The following MUC5AC variants were observed in gnomAD, a reference collection of about 807,000 sequenced individuals.
MUC5AC encodes the protein mucin-5AC.
Under a neutral mutation model 169.7 loss-of-function variants are expected in MUC5AC, and 158 were observed. The ratio of observed to expected loss-of-function variants is 0.93; its 90% confidence interval spans 0.82 to 1.06. MUC5AC has a LOEUF of 1.06. MUC5AC is among the 50% of genes least tolerant of loss of function. MUC5AC has a pLI of 0.00. For synonymous variants in MUC5AC, 1,975 were observed against 1,237.0 expected (o/e 1.60, Z -12.52); for missense variants, 4,359 against 3,089.9 (o/e 1.41, Z -9.74).
chr11:1,192,412 T>G lies in MUC5AC; in HGVS notation c.14267T>G (p.Val4756Gly). Residue 4756 changes from valine to glycine, a missense_variant, in exon 31 of 49, where the codon GTA (valine) becomes GGA (glycine). Coordinates refer to ENST00000621226, the MANE Select transcript of MUC5AC (RefSeq NM_001304359.2). ...ALYPSLSTSM[V>G]SASVASTSVA... is the part of the protein sequence containing the mutation. ...TATCCTTCCCTGTCTACTTCCATGGTATCCGCCTCCGTGGCATCCACCTCT... is the reference window on the plus strand; with the variant it reads ...TATCCTTCCCTGTCTACTTCCATGGGATCCGCCTCCGTGGCATCCACCTCT... 1.3e-6 allele frequency: 1 copy of G among 765,132 alleles called. No individual in the cohort carries two copies. Among genetic ancestry groups the G allele is most frequent in the Non-Finnish European group, 2.4e-6 (1 of 417,892 alleles). 47.4% of individuals were successfully genotyped at this position (765,132 alleles called of 1,614,324 possible). A position where few individuals can be genotyped will look rare whatever the true frequency, so the allele number is the denominator to read the frequency against.
chr11:1,194,142 A>G lies in MUC5AC; in HGVS notation c.14788A>G (p.Ile4930Val), dbSNP rs376649187. The G allele has an allele frequency of 7.8e-6, 6 of 764,892 alleles. No individual in the cohort carries two copies. The highest frequency in any genetic ancestry group is 5.4e-5 in the South Asian group (4 of 74,630). 47.4% of individuals were successfully genotyped at this position (764,892 alleles called of 1,614,324 possible). A position where few individuals can be genotyped will look rare whatever the true frequency, so the allele number is the denominator to read the frequency against. The part of the protein sequence containing the change: ...VCSGWGDPHY[I>V]TFDGTYYTFL... ...CAGCGGCTGGGGTGACCCCCACTAC[A>G]TCACCTTCGACGGCACCTACTACAC... Residue 4930 changes from isoleucine (I) to valine (V), a missense_variant, in exon 34 of 49, where the codon ATC becomes GTC. Transcript: ENST00000621226.
At chr11:1,162,805 T>C in intron 5 of MUC5AC, 150 bp from the exon 6 acceptor site, 1 of 956,984 alleles carries the variant, frequency 1.0e-6, no homozygotes, top group Non-Finnish European at 1.6e-6. Flanking sequence ...ACACCAATGG[T>C]GTCCCGGGGT....
rs759740961 is a variant in MUC5AC, at chr11:1,158,011, C to T, written c.12C>T (p.Gly4=). 6 of 1,601,452 alleles carry T rather than the reference C, an allele frequency of 3.7e-6. No individual in the cohort carries two copies. The highest frequency in any genetic ancestry group is 5.1e-6 in the Non-Finnish European group (6 of 1,175,308). The change falls in exon 1 of 49, where the codon GGC becomes GGT. Residue 4 remains glycine, a synonymous_variant. Coordinates refer to ENST00000621226, the MANE Select transcript of MUC5AC (RefSeq NM_001304359.2). ...CCGCCGTCCACACAATGAGTGTTGG[C>T]CGGAGGAAGCTGGCCCTGCTCTGGG... MSV[G]RRKLALLWAL...
chr11:1,179,012 T>C (rs1229166194), intron 25 of MUC5AC, 80 bp from the exon 26 acceptor site: 8 of 335,286 alleles, frequency 2.4e-5, no homozygotes, highest in African/African-American at 1.1e-4. Flanking sequence ...CCCCGGTCAA[T>C]GTGCCAGCAT....
At chr11:1,175,984 TCATGGACACGCTCA>T (rs1860675422) in intron 19 of MUC5AC, among the ~76,000 whole-genome samples, 153 bp from the exon 20 acceptor site, 1 of 137,312 alleles carries the variant, frequency 7.3e-6, no homozygotes, top group African/African-American at 2.8e-5. Flanking sequence ...TCACACCCAC[TCATGGACACGCTCA>T]CACACCCACT....
At chr11:1,162,511 C>T in intron 4 of MUC5AC, 21 bp from the exon 5 acceptor site, 1 of 1,606,744 alleles carries the variant, frequency 6.2e-7, no homozygotes, top group Non-Finnish European at 8.5e-7. Context: ...CCCAGCCCCT[C>T]AGCCCTGCCT....
In MUC5AC at chr11:1,185,707, C is replaced by T. The variant is rs1357220248; in HGVS notation, c.7562C>T (p.Thr2521Ile). 1.3e-3 allele frequency: 940 copies of T among 743,420 alleles called. 2 individuals are homozygous for T. The highest frequency in any genetic ancestry group is 2.0e-3 in the Non-Finnish European group (818 of 406,952). The allele number at this position is 743,420 out of a possible 1,614,324, so 46.1% of individuals were successfully genotyped here. A position where few individuals can be genotyped will look rare whatever the true frequency, so the allele number is the denominator to read the frequency against. Residue 2521 changes from threonine (T) to isoleucine (I), a missense_variant, in exon 31 of 49, where the codon ACA (threonine) becomes ATA (isoleucine). Thr to Ile is a moderately conservative substitution (Grantham distance 89, BLOSUM62 -1). Coordinates refer to ENST00000621226, the MANE Select transcript of MUC5AC (RefSeq NM_001304359.2). ...APTTSTTSAS[T>I]TSTTSGAGTT... ...ACAACCAGCACAACCTCTGCTTCTACAACCAGCACAACCTCTGGTGCTGGA... is the reference window on the plus strand; with the variant it reads ...ACAACCAGCACAACCTCTGCTTCTATAACCAGCACAACCTCTGGTGCTGGA...
In MUC5AC at chr11:1,186,091, C is replaced by T. The variant is rs1860936732; in HGVS notation, c.7946C>T (p.Thr2649Ile). Residue 2649 changes from threonine (T) to isoleucine (I), a missense_variant, in exon 31 of 49, where the codon ACA (threonine) becomes ATA (isoleucine). By Grantham distance (89) the Thr-to-Ile change is moderately conservative. Transcript: ENST00000621226. Reference sequence around the variant, plus strand: ...ACCGCCAGCACAACCTCTGCTTCTACAACTAGCACAACCTCTGGTCCTGGA... The same window carrying T: ...ACCGCCAGCACAACCTCTGCTTCTATAACTAGCACAACCTCTGGTCCTGGA... The part of the protein sequence containing the change: ...VPTASTTSAS[T>I]TSTTSGPGTT... 2.7e-6 allele frequency: 2 copies of T among 747,054 alleles called. No homozygotes were observed. Among genetic ancestry groups the T allele is most frequent in the African/African-American group, 1.7e-5 (1 of 58,494 alleles). The allele number at this position is 747,054 out of a possible 1,614,324, so 46.3% of individuals were successfully genotyped here. A position where few individuals can be genotyped will look rare whatever the true frequency, so the allele number is the denominator to read the frequency against.
rs555721270 is a variant in MUC5AC, at chr11:1,200,529, G to A, written c.16792G>A (p.Asp5598Asn). The change falls in exon 49 of 49, where the codon GAC becomes AAC. Residue 5598 changes from aspartate to asparagine, a missense_variant. By Grantham distance (23) the Asp-to-Asn change is conservative. Transcript: ENST00000621226. ...SLRNVTLHCT[D>N]GSSRAFSYTE... is the part of the protein sequence containing the mutation. ...GAGGAATGTGACCCTGCACTGCACCGACGGCTCCAGCCGGGCCTTCAGCTA... is the reference window on the plus strand; with the variant it reads ...GAGGAATGTGACCCTGCACTGCACCAACGGCTCCAGCCGGGCCTTCAGCTA... The A allele has an allele frequency of 4.1e-5, 31 of 762,248 alleles. No homozygotes were observed. Among genetic ancestry groups the A allele is most frequent in the South Asian group, 1.3e-4 (10 of 74,230 alleles). The allele number at this position is 762,248 out of a possible 1,614,324, so 47.2% of individuals were successfully genotyped here.
chr11:1,185,842 C>G lies in MUC5AC; in HGVS notation c.7697C>G (p.Ser2566Cys). Residue 2566 changes from serine (S) to cysteine (C), a missense_variant, in exon 31 of 49, where the codon TCT becomes TGT. Ser to Cys is a moderately radical substitution (Grantham distance 112, BLOSUM62 -1). Coordinates refer to ENST00000621226, the MANE Select transcript of MUC5AC (RefSeq NM_001304359.2). The part of the protein sequence containing the change: ...TTSATTTSTT[S>C]GPGTTPSPVP... ...TCTGCCACTACAACCAGCACAACCT[C>G]TGGTCCTGGAACTACTCCCAGCCCT... The G allele has an allele frequency of 1.3e-6, 1 of 748,476 alleles. No individual in the cohort carries two copies. Among genetic ancestry groups the G allele is most frequent in the Non-Finnish European group, 2.4e-6 (1 of 409,724 alleles). The allele number at this position is 748,476 out of a possible 1,614,324, so 46.4% of individuals were successfully genotyped here. A position where few individuals can be genotyped will look rare whatever the true frequency, so the allele number is the denominator to read the frequency against.
rs926232044 is a variant in MUC5AC at position 1,196,479 on chromosome 11, G to A, written c.15725+4G>A. On this transcript the variant is annotated splice_donor_region_variant and intron_variant, in intron 38 of 48. Transcript: ENST00000621226. ...GGAATGACAGCGCCAGCCTCGGGTA[G>A]GCACCCTCCCTCCTGGCCCTGCCAT... 4 of 765,016 alleles carry A rather than the reference G, an allele frequency of 5.2e-6. No homozygotes were observed. Among genetic ancestry groups the A allele is most frequent in the Non-Finnish European group, 9.6e-6 (4 of 417,812 alleles). 47.4% of individuals were successfully genotyped at this position (765,016 alleles called of 1,614,324 possible).
Position 1,164,543 on chromosome 11 carries a change from C to T in MUC5AC, c.1129+11C>T. The T allele has an allele frequency of 1.3e-6, 2 of 1,598,988 alleles. No homozygotes were observed. Among genetic ancestry groups the T allele is most frequent in the Non-Finnish European group, 8.5e-7 (1 of 1,173,684 alleles). Reference sequence around the variant, plus strand: ...GCTTCTGCCCTGAGGGTGAGGCTCCCCCGCCCCTGGGAAACACAGGTGCAC... The same window carrying T: ...GCTTCTGCCCTGAGGGTGAGGCTCCTCCGCCCCTGGGAAACACAGGTGCAC... On this transcript the variant is annotated intron_variant, in intron 9 of 48. Transcript: ENST00000621226.
intron 38 of MUC5AC, 29 bp downstream of exon 38, chr11:1,196,504 T>C: frequency 1.3e-6 from 1 of 764,762 alleles, no homozygotes; most frequent in Non-Finnish European, 2.4e-6. Flanking sequence ...GGCCCTGCCA[T>C]GGGCTGCTGG....
intron 7 of MUC5AC, 22 bp downstream of exon 7, chr11:1,164,013 G>T: frequency 6.2e-7 from 1 of 1,608,866 alleles, no homozygotes; most frequent in Non-Finnish European, 8.5e-7. Flanking sequence ...AGGGAACAGA[G>T]GGCCCAGCAG....
At chr11:1,163,385 C>T (rs1203269830) in intron 6 of MUC5AC, among the ~76,000 whole-genome samples, 2 of 152,222 alleles carry the variant, frequency 1.3e-5, no homozygotes, top group Non-Finnish European at 2.9e-5. Context: ...GCAAATGTGA[C>T]CTGCACCAGC....
rs1233355456 is a variant in MUC5AC at position 1,170,547 on chromosome 11, GCCCACTCA to G, written c.1870+1548_1870+1555del. Among the ~76,000 whole-genome samples the G allele has an allele frequency of 2.0e-3, 69 of 34,772 alleles. 1 individual carries two copies. Among genetic ancestry groups the G allele is most frequent in the Admixed American group, 6.8e-3 (23 of 3,406 alleles). The allele number at this position is 34,772 out of a possible 152,430, so 22.8% of individuals were successfully genotyped here. A position where few individuals can be genotyped will look rare whatever the true frequency, so the allele number is the denominator to read the frequency against. ...CACCCATTCACCCATTCACTCACTC[GCCCACTCA>G]CCCACTCACCCACTCACCCACTCAC... is the stretch of plus-strand genomic sequence containing the variant. On this transcript the variant is annotated intron_variant, in intron 15 of 48. Transcript: ENST00000621226.
At position 1,165,808 on chromosome 11, in the gene MUC5AC, G is replaced by A. The variant is rs1216772052; in HGVS notation, c.1386+48G>A. ...GCTCGCCGGACAGAGGGGGCCCATG[G>A]CCAGCCTCCCACAGGCTCCCCCAGC... On this transcript the variant is annotated intron_variant, in intron 11 of 48. Coordinates refer to ENST00000621226, the MANE Select transcript of MUC5AC (RefSeq NM_001304359.2). 3.1e-6 allele frequency: 5 copies of A among 1,605,792 alleles called. No individual in the cohort carries two copies. In the Admixed American group the frequency reaches 5.0e-5, roughly 16 times the overall value.
intron 12 of MUC5AC, 140 bp from the exon 13 acceptor site, chr11:1,168,343 G>C (rs1041724316): frequency 5.1e-6 from 4 of 777,758 alleles, no homozygotes; most frequent in Non-Finnish European, 8.6e-6. Flanking sequence ...AGAAAATCAG[G>C]CGAGCACAAG....
intron 24 of MUC5AC, 123 bp from the exon 25 acceptor site, chr11:1,178,321 G>T: frequency 2.8e-6 from 1 of 354,670 alleles, no homozygotes; most frequent in South Asian, 1.3e-4. Context: ...TTGGCCACCT[G>T]GGTGGGAGGA....
Sources: allele counts gnomAD v4.1 joint callset (sites outside exome capture counted in the v4.1 genomes callset), GRCh38; gene constraint gnomAD v4.1.1; transcripts MANE v1.5; gene names NCBI Gene and HGNC (gene_info 2026-07-23, HGNC 2026-07-21).